SPTBN4: variants seen among roughly 807,000 people sequenced by gnomAD.
SPTBN4 encodes the protein spectrin beta, non-erythrocytic 4.
In SPTBN4, 96 loss-of-function variants were observed where a neutral mutation model predicts 277.8. The ratio of observed to expected loss-of-function variants is 0.35; its 90% CI spans 0.29 to 0.41. The LOEUF (loss-of-function observed/expected upper bound fraction) is 0.41. SPTBN4 is among the 10% of genes least tolerant of loss of function. SPTBN4 has a pLI of 1.00. For synonymous variants in SPTBN4, 1,481 were observed against 1,580.3 expected, an observed-to-expected ratio of 0.94 and a Z score of 1.49; for missense variants, 3,006 against 3,595.7, an observed-to-expected ratio of 0.84 and a Z score of 4.19.
chr19:40,485,133 G>A (rs574691570), intron 2 of SPTBN4, among the ~76,000 whole-genome samples: 23 of 151,248 alleles, frequency 1.5e-4, no homozygotes, highest in East Asian at 9.9e-4. Flanking sequence ...GTGAGCCACC[G>A]TGCCTGGCCT....
chr19:40,522,961 G>A (rs2080545672), intron 16 of SPTBN4, among the ~76,000 whole-genome samples: 1 of 151,918 alleles, frequency 6.6e-6, no homozygotes, highest in South Asian at 2.1e-4. Flanking sequence ...GTGAAACCCC[G>A]TCTCTACCAA....
At position 40,530,711 on chromosome 19, in the gene SPTBN4, G is replaced by A. The variant is rs2080657640; in HGVS notation, c.3948+1580G>A. On this transcript the variant is annotated intron_variant, in intron 18 of 35. Coordinates refer to ENST00000598249, the MANE Select transcript of SPTBN4 (RefSeq NM_020971.3). The stretch of plus-strand genomic sequence containing the variant: ...GAGGGAGGGGCGGGGCGGCGCGGGG[G>A]CGGGCCGGGCAGGCGCCCGGACCCC... The A allele has an allele frequency of 7.5e-6, 3 of 397,556 alleles. No individual in the cohort carries two copies. The South Asian group carries it at 3.0e-4, about 40-fold the overall frequency. 24.6% of individuals were successfully genotyped at this position (397,556 alleles called of 1,614,324 possible). A position where few individuals can be genotyped will look rare whatever the true frequency, so the allele number is the denominator to read the frequency against.
chr19:40,523,284 A>G (rs1221662359), intron 16 of SPTBN4, among the ~76,000 whole-genome samples, 153 bp from the exon 17 acceptor site: 1 of 152,238 alleles, frequency 6.6e-6, no homozygotes, highest in East Asian at 1.9e-4. Flanking sequence ...AGGCAGAAGC[A>G]CCAGCATGGG....
At chr19:40,528,970 C>T in intron 17 of SPTBN4, 71 bp from the exon 18 acceptor site, 3 of 1,199,500 alleles carry the variant, frequency 2.5e-6, no homozygotes, top group African/African-American at 3.0e-5. Flanking sequence ...CCAGTGCCCT[C>T]ACAGTCCTAC....
At position 40,532,078 on chromosome 19, in the gene SPTBN4, G is replaced by C. The variant is rs558944921; in HGVS notation, c.3949-547G>C. On this transcript the variant is annotated intron_variant, in intron 18 of 35. Coordinates refer to ENST00000598249, the MANE Select transcript of SPTBN4 (RefSeq NM_020971.3). ...GAGCTAGAGTTGGCTTTAATTGGGA[G>C]GTTGTTTGGGGGGTTTATCTGGCCA... Among the ~76,000 whole-genome samples, 12 of 151,778 alleles carry C rather than the reference G, an allele frequency of 7.9e-5. No individual in the cohort carries two copies. The South Asian group carries it at 2.5e-3, about 32-fold the overall frequency.
At chr19:40,572,497 G>A in intron 35 of SPTBN4, 117 bp downstream of exon 35, 1 of 1,315,330 alleles carries the variant, frequency 7.6e-7, no homozygotes, top group Admixed American at 1.8e-5. Context: ...GAGTTATCAG[G>A]GCTGTAATGG....
At chr19:40,496,102 A>G (rs969284244) in intron 6 of SPTBN4, among the ~76,000 whole-genome samples, 4 of 152,142 alleles carry the variant, frequency 2.6e-5, no homozygotes, top group Admixed American at 6.5e-5. Context: ...TCAATAGTCA[A>G]TGTATCCATT....
In SPTBN4 at chr19:40,512,846, G is replaced by A; in HGVS notation, c.2057G>A (p.Gly686Asp). 5 of 1,457,914 alleles carry A rather than the reference G, an allele frequency of 3.4e-6. No individual in the cohort carries two copies. Among genetic ancestry groups the A allele is most frequent in the South Asian group, 2.7e-5 (2 of 73,062 alleles). The allele number at this position is 1,457,914 out of a possible 1,614,324, so 90.3% of individuals were successfully genotyped here. The change falls in exon 14 of 36, where the codon GGC becomes GAC. Residue 686 changes from glycine (G) to aspartate (D), a missense_variant. Gly to Asp is a moderately conservative substitution (Grantham distance 94). This residue lies in a region of SPTBN4 where 1,759 missense variants were observed against 2,061.5 expected (regional missense o/e 0.85). Coordinates refer to ENST00000598249, the MANE Select transcript of SPTBN4 (RefSeq NM_020971.3). ...GCAGCGGGCGCAGCGGGAACAGCGG[G>A]CGGCGCGCATGACCTGTCCAGCACA... ...AGAAGAAGTA[G>D]GAHDLSSTAR... is the part of the protein sequence containing the mutation.
intron 5 of SPTBN4, 65 bp downstream of exon 5, chr19:40,493,119 TC>T: frequency 6.6e-7 from 1 of 1,505,860 alleles, no homozygotes; most frequent in Non-Finnish European, 9.2e-7. Flanking sequence ...TGCAATTCCT[TC>T]CCAGACAAGA....
At chr19:40,476,345 C>CAAAAAA (rs60942038) in intron 2 of SPTBN4, among the ~76,000 whole-genome samples, 1 of 115,568 alleles carries the variant, frequency 8.7e-6, no homozygotes. Flanking sequence ...AACTCTGTCT[C>CAAAAAA]AAAAAAAAAA....
chr19:40,572,055 G>C lies in SPTBN4; in HGVS notation c.7356G>C (p.Gly2452=). ...GCCTGTACTGTGTGCTTAGTAAGGG[G>C]GAACTGGGCTTCTACAAGGACTCCA... ...WVSLYCVLSK[G]ELGFYKDSKG... The change falls in exon 34 of 36, where the codon GGG becomes GGC. Residue 2452 remains glycine (G), a synonymous_variant. Coordinates refer to ENST00000598249, the MANE Select transcript of SPTBN4 (RefSeq NM_020971.3). The C allele has an allele frequency of 6.2e-7, 1 of 1,606,030 alleles. No individual in the cohort carries two copies. The highest frequency in any genetic ancestry group is 1.3e-5 in the African/African-American group (1 of 74,648).
intron 27 of SPTBN4, among the ~76,000 whole-genome samples, chr19:40,562,529 CAAAA>C (rs35366889): frequency 7.2e-5 from 4 of 55,696 alleles, no homozygotes; most frequent in Admixed American, 2.5e-4. Flanking sequence ...GACTCTGTGT[CAAAA>C]AAAAAAAAAA....
At chr19:40,517,605 G>A (rs908810406) in intron 15 of SPTBN4, among the ~76,000 whole-genome samples, 5 of 152,200 alleles carry the variant, frequency 3.3e-5, no homozygotes, top group Admixed American at 6.5e-5. Flanking sequence ...CAAAGACTAC[G>A]CTCTTGACTC....
chr19:40,565,584 C>G lies in SPTBN4; in HGVS notation c.6054+23C>G, dbSNP rs1443165145. The G allele has an allele frequency of 1.9e-6, 3 of 1,607,154 alleles. No individual in the cohort carries two copies. The South Asian group carries it at 3.3e-5, about 18-fold the overall frequency. On this transcript the variant is annotated intron_variant, in intron 28 of 35. Transcript: ENST00000598249. ...GAGGTGGGGAGCAGGGAGGGGGTCCCCCTCTGCCACCCGGGCACATTGGGG... is the reference window on the plus strand; with the variant it reads ...GAGGTGGGGAGCAGGGAGGGGGTCCGCCTCTGCCACCCGGGCACATTGGGG...
At chr19:40,548,847 C>T (rs2145922564) in intron 20 of SPTBN4, among the ~76,000 whole-genome samples, 1 of 152,260 alleles carries the variant, frequency 6.6e-6, no homozygotes, top group Middle Eastern at 3.4e-3. Context: ...GGGAGACTAC[C>T]AATCTTGAAG....
At chr19:40,569,514 G>C (rs180844163) in intron 31 of SPTBN4, 143 bp from the exon 32 acceptor site, 5 of 741,404 alleles carry the variant, frequency 6.7e-6, no homozygotes, top group Non-Finnish European at 1.1e-5. Flanking sequence ...TACCTAAGGC[G>C]AGCATCTGAG....
chr19:40,575,688 C>T lies in SPTBN4; in HGVS notation c.*119C>T. The T allele has an allele frequency of 7.8e-7, 1 of 1,277,642 alleles. No homozygotes were observed. Among genetic ancestry groups the T allele is most frequent in the African/African-American group, 1.5e-5 (1 of 66,624 alleles). The allele number at this position is 1,277,642 out of a possible 1,614,324, so 79.1% of individuals were successfully genotyped here. A position where few individuals can be genotyped will look rare whatever the true frequency, so the allele number is the denominator to read the frequency against. Reference sequence around the variant, plus strand: ...TAGTTCCAACACTGAGGACGCGTGACATGGTGGGCACCGGAAAGGAGGGGA... The same window carrying T: ...TAGTTCCAACACTGAGGACGCGTGATATGGTGGGCACCGGAAAGGAGGGGA... On this transcript the variant is annotated 3_prime_UTR_variant, in exon 36 of 36. Transcript: ENST00000598249.
At chr19:40,538,221 T>C (rs2080760060) in intron 20 of SPTBN4, among the ~76,000 whole-genome samples, 1 of 152,012 alleles carries the variant, frequency 6.6e-6, no homozygotes, top group Non-Finnish European at 1.5e-5. Flanking sequence ...AAACCCCGTC[T>C]CTACTAAAAA....
intron 20 of SPTBN4, among the ~76,000 whole-genome samples, chr19:40,542,110 TG>T (rs1186777828): frequency 6.6e-6 from 1 of 152,024 alleles, no homozygotes; most frequent in Non-Finnish European, 1.5e-5. Flanking sequence ...TTAGTAGAGA[TG>T]GGGTTTCACC....
Sources: gnomAD v4.1 joint callset for allele counts (sites outside exome capture counted in the v4.1 genomes callset) on GRCh38, gnomAD v4.1.1 for gene constraint, gnomAD v4.1.1 regional missense constraint, MANE v1.5 for transcripts, NCBI Gene and HGNC (gene_info 2026-07-23, HGNC 2026-07-21) for gene names.